Variants in PCDHA2 observed in about 807,000 individuals in gnomAD.
PCDHA2 encodes protocadherin alpha-2.
A neutral mutation model predicts 66.0 loss-of-function variants in PCDHA2; 58 were observed. The observed-to-expected ratio is 0.88, with a 90% CI of 0.71 to 1.09. The LOEUF (loss-of-function observed/expected upper bound fraction) is 1.09. Ranked by LOEUF, PCDHA2 falls within the 50% of genes least tolerant of loss-of-function variation. PCDHA2 has a pLI of 0.00. For synonymous variants in PCDHA2, 634 were observed against 554.0 expected (o/e 1.14, Z -2.03); for missense variants, 1,267 against 1,242.3 (o/e 1.02, Z -0.30).
At chr5:140,929,258 T>C (rs1288767035) in intron 1 of PCDHA2, 2 of 1,612,832 alleles carry the variant, frequency 1.2e-6, no homozygotes, top group Non-Finnish European at 1.7e-6. Flanking sequence ...GGGGTAGGAC[T>C]GAATTTGCCA....
intron 1 of PCDHA2, among the ~76,000 whole-genome samples, chr5:140,934,631 G>A (rs2089960013): frequency 6.6e-6 from 1 of 151,984 alleles, no homozygotes; most frequent in African/African-American, 2.4e-5. Flanking sequence ...GTTCACACAG[G>A]AAAGGCAGGA....
At chr5:140,952,161 G>A (rs1002170545) in intron 1 of PCDHA2, among the ~76,000 whole-genome samples, 1 of 152,046 alleles carries the variant, frequency 6.6e-6, no homozygotes, top group Non-Finnish European at 1.5e-5. Flanking sequence ...GCTTTGTGGG[G>A]TTCAGTTCCT....
intron 1 of PCDHA2, chr5:140,875,217 C>G (rs1554167556): frequency 2.7e-6 from 2 of 734,894 alleles, no homozygotes; most frequent in African/African-American, 3.5e-5. Flanking sequence ...CCGAAAAGAA[C>G]CTCAGGATCT....
At chr5:140,826,108 A>C (rs1252391414) in intron 1 of PCDHA2, among the ~76,000 whole-genome samples, 1 of 152,218 alleles carries the variant, frequency 6.6e-6, no homozygotes, top group East Asian at 1.9e-4. Context: ...CATGCTATTT[A>C]TATATTCCTA....
chr5:140,959,370 T>C (rs1212787453), intron 1 of PCDHA2, among the ~76,000 whole-genome samples: 1 of 151,796 alleles, frequency 6.6e-6, no homozygotes, highest in African/African-American at 2.4e-5. Flanking sequence ...TGAGACCCTG[T>C]CTCAAAAAAA....
rs183311315 is a variant in PCDHA2, at chr5:140,913,513, T to C, written c.2389-65436T>C. ...AGTCTGTTTAAAACTTTGTCAATTTTATTTATCTTTTCAAAAGATTGACTT... is the reference window on the plus strand; with the variant it reads ...AGTCTGTTTAAAACTTTGTCAATTTCATTTATCTTTTCAAAAGATTGACTT... On this transcript the variant is annotated intron_variant, in intron 1 of 3. Coordinates refer to ENST00000526136, the MANE Select transcript of PCDHA2 (RefSeq NM_018905.3). Among the ~76,000 whole-genome samples, 393 of 152,272 alleles carry C rather than the reference T, an allele frequency of 2.6e-3. 2 individuals are homozygous for C. The highest frequency in any genetic ancestry group is 9.2e-3 in the African/African-American group (382 of 41,572).
intron 1 of PCDHA2, among the ~76,000 whole-genome samples, chr5:140,931,894 A>G (rs1242530874): frequency 1.3e-5 from 2 of 151,966 alleles, no homozygotes; most frequent in African/African-American, 4.8e-5. Flanking sequence ...TTTTATTTCA[A>G]ATCATTTGAA....
chr5:140,797,261 A>G lies in PCDHA2; in HGVS notation c.2297A>G (p.Lys766Arg), dbSNP rs540368650. Reference sequence around the variant, plus strand: ...GTGTGCTCTGGGGAGGACCCCCCCAAGACGGACCTCATGGCCTTCAGCCCT... The same window carrying G: ...GTGTGCTCTGGGGAGGACCCCCCCAGGACGGACCTCATGGCCTTCAGCCCT... ...QRVCSGEDPP[K>R]TDLMAFSPSL... The change falls in exon 1 of 4, where the codon AAG becomes AGG. Residue 766 changes from lysine to arginine, a missense_variant. Transcript: ENST00000526136. 1 of 1,614,214 alleles carries G rather than the reference A, an allele frequency of 6.2e-7. No homozygotes were observed. Among genetic ancestry groups the G allele is most frequent in the African/African-American group, 1.3e-5 (1 of 75,078 alleles).
At chr5:140,825,234 G>C (rs1554130170) in intron 1 of PCDHA2, 2 of 150,892 alleles carry the variant, frequency 1.3e-5, no homozygotes, top group African/African-American at 4.9e-5. Context: ...CTTTTATCTG[G>C]ATCTATGGTG....
chr5:140,978,758 C>A (rs925464508), intron 1 of PCDHA2, among the ~76,000 whole-genome samples, 191 bp from the exon 2 acceptor site: 6 of 152,148 alleles, frequency 3.9e-5, no homozygotes, highest in African/African-American at 1.4e-4. Context: ...TGTGTGAGGA[C>A]CCTGATGAAC....
chr5:140,803,649 T>C (rs539044663), intron 1 of PCDHA2: 2 of 1,612,388 alleles, frequency 1.2e-6, no homozygotes, highest in South Asian at 2.2e-5. Context: ...CCTCAATGTT[T>C]CCACTCCTCT....
chr5:140,876,642 A>G (rs908095775), intron 1 of PCDHA2: 10 of 1,614,024 alleles, frequency 6.2e-6, no homozygotes, highest in African/African-American at 1.3e-5. Context: ...GCTCACTGAC[A>G]CCTCATGTTC....
At chr5:140,847,798 C>G (rs1359098048) in intron 1 of PCDHA2, 1 of 149,600 alleles carries the variant, frequency 6.7e-6, no homozygotes, top group Non-Finnish European at 1.5e-5. Context: ...TATTTTATAC[C>G]TTTTCAATTC....
chr5:140,864,617 T>C (rs545757656), intron 1 of PCDHA2: 10 of 152,312 alleles, frequency 6.6e-5, no homozygotes, highest in African/African-American at 2.4e-4. Context: ...TTTGTTCTTT[T>C]TTAAAAAGAA....
At chr5:140,885,131 CT>C (rs1162868700) in intron 1 of PCDHA2, among the ~76,000 whole-genome samples, 1 of 152,024 alleles carries the variant, frequency 6.6e-6, no homozygotes, top group Non-Finnish European at 1.5e-5. Flanking sequence ...TTCTTTCTTT[CT>C]TTTTTTAAAC....
chr5:140,871,447 G>A, intron 1 of PCDHA2: 1 of 1,609,656 alleles, frequency 6.2e-7, no homozygotes, highest in Non-Finnish European at 8.5e-7. Context: ...TCTGAATAAA[G>A]AGGAGGAAGG....
chr5:140,928,622 G>C, intron 1 of PCDHA2: 1 of 1,614,226 alleles, frequency 6.2e-7, no homozygotes, highest in South Asian at 1.1e-5. Flanking sequence ...GCCAGGACTG[G>C]ACACTTGGTC....
intron 1 of PCDHA2, chr5:140,828,909 C>G (rs1213488123): frequency 1.2e-6 from 2 of 1,614,072 alleles, no homozygotes; most frequent in South Asian, 1.1e-5. Context: ...GATGAAGGAG[C>G]GAATGGGGCA....
chr5:140,848,641 C>T, intron 1 of PCDHA2: 1 of 1,593,240 alleles, frequency 6.3e-7, no homozygotes, highest in South Asian at 1.1e-5. Flanking sequence ...GGCCGCATCG[C>T]GCAGGACCTG....
Sources: gnomAD v4.1 joint callset for allele counts (sites outside exome capture counted in the v4.1 genomes callset) on GRCh38, gnomAD v4.1.1 for gene constraint, MANE v1.5 for transcripts, NCBI Gene and HGNC (gene_info 2026-07-23, HGNC 2026-07-21) for gene names.